ERBB4: variants seen among roughly 807,000 people sequenced by gnomAD.
ERBB4 encodes the protein erb-b2 receptor tyrosine kinase 4.
A neutral mutation model predicts 158.0 loss-of-function variants in ERBB4; 42 were observed. The ratio of observed to expected loss-of-function variants is 0.27; its 90% CI spans 0.21 to 0.34. ERBB4 has a LOEUF of 0.34. Ranked by LOEUF, ERBB4 falls within the 10% of genes least tolerant of loss-of-function variation. The pLI, the probability that ERBB4 is intolerant of heterozygous loss-of-function variation, is 1.00. For missense variants in ERBB4, 1,333 were observed against 1,624.1 expected (o/e 0.82, Z 3.08); for synonymous variants, 583 against 558.7 (o/e 1.04, Z -0.61).
At chr2:212,172,555 T>C (rs1337083324) in intron 1 of ERBB4, among the ~76,000 whole-genome samples, 4 of 152,074 alleles carry the variant, frequency 2.6e-5, no homozygotes, top group South Asian at 4.1e-4. Flanking sequence ...AAAATGTACA[T>C]ATACATTTGT....
intron 2 of ERBB4, among the ~76,000 whole-genome samples, chr2:211,960,156 G>C (rs1243453315): frequency 6.6e-6 from 1 of 152,014 alleles, no homozygotes; most frequent in Non-Finnish European, 1.5e-5. Flanking sequence ...GGAATTCTTG[G>C]AGAAATTTCA....
At chr2:212,526,400 GC>G (rs1476904425) in intron 1 of ERBB4, among the ~76,000 whole-genome samples, 1 of 151,908 alleles carries the variant, frequency 6.6e-6, no homozygotes, top group Non-Finnish European at 1.5e-5. Context: ...ATATCTTGAA[GC>G]TTTTTATACT....
At chr2:211,528,687 C>A (rs7603356) in intron 20 of ERBB4, among the ~76,000 whole-genome samples, 71,750 of 151,692 alleles carry the variant, frequency 0.47, 17,253 homozygotes, top group East Asian at 0.72. Context: ...TAAAACTAGA[C>A]ATGAATAATG....
chr2:211,675,426 A>C (rs1202919580), intron 13 of ERBB4, among the ~76,000 whole-genome samples: 1 of 152,074 alleles, frequency 6.6e-6, no homozygotes, highest in Non-Finnish European at 1.5e-5. Context: ...AAAAAATAAG[A>C]TTTCATTGAG....
At position 211,377,863 on chromosome 2, in the gene ERBB4, G is replaced by T. The variant is rs559988336; in HGVS notation, c.*5752C>A. ...AAATTCCTATAGGGAAGGACACAGAGAATTGATCTTCATGGGAAACCATAA... is the reference window on the plus strand; with the variant it reads ...AAATTCCTATAGGGAAGGACACAGATAATTGATCTTCATGGGAAACCATAA... On this transcript the variant is annotated 3_prime_UTR_variant, in exon 28 of 28. Coordinates refer to ENST00000342788, the MANE Select transcript of ERBB4 (RefSeq NM_005235.3). 4 of 232,904 alleles carry T rather than the reference G, an allele frequency of 1.7e-5. No homozygotes were observed. In the South Asian group the frequency reaches 5.4e-4, roughly 32 times the overall value. The allele number at this position is 232,904 out of a possible 1,614,324, so 14.4% of individuals were successfully genotyped here.
chr2:212,201,302 A>G (rs1034353108), intron 1 of ERBB4, among the ~76,000 whole-genome samples: 17 of 152,118 alleles, frequency 1.1e-4, no homozygotes, highest in Admixed American at 2.0e-4. Context: ...TTTCCTCTTC[A>G]TAGTACATGA....
intron 3 of ERBB4, among the ~76,000 whole-genome samples, chr2:211,844,020 T>G (rs2077536329): frequency 6.6e-6 from 1 of 152,050 alleles, no homozygotes; most frequent in Non-Finnish European, 1.5e-5. Context: ...ATGCTGATGT[T>G]TTGTTTATTC....
chr2:211,911,980 AG>A (rs1367747846), intron 3 of ERBB4, among the ~76,000 whole-genome samples: 1 of 152,164 alleles, frequency 6.6e-6, no homozygotes, highest in Non-Finnish European at 1.5e-5. Context: ...GAGTGCATCT[AG>A]GGAAACACAC....
At chr2:212,203,825 C>T (rs1205013384) in intron 1 of ERBB4, among the ~76,000 whole-genome samples, 3 of 152,154 alleles carry the variant, frequency 2.0e-5, no homozygotes, top group Non-Finnish European at 4.4e-5. Flanking sequence ...AACACCATTG[C>T]TTTCATCTTC....
At chr2:211,548,620 G>A (rs1199876972) in intron 20 of ERBB4, among the ~76,000 whole-genome samples, 1 of 152,008 alleles carries the variant, frequency 6.6e-6, no homozygotes, top group African/African-American at 2.4e-5. Flanking sequence ...TATCAGGGTG[G>A]CAGAGCAGTT....
chr2:211,409,247 G>T (rs1326234754), intron 25 of ERBB4, among the ~76,000 whole-genome samples: 1 of 152,072 alleles, frequency 6.6e-6, no homozygotes, highest in Non-Finnish European at 1.5e-5. Context: ...TAACCTGGAA[G>T]TCTCAGCAAA....
chr2:212,044,390 G>A (rs1433192495), intron 2 of ERBB4, among the ~76,000 whole-genome samples: 1 of 152,008 alleles, frequency 6.6e-6, no homozygotes, highest in Non-Finnish European at 1.5e-5. Context: ...CTCTTTCAAT[G>A]CCGATATTTC....
At position 212,031,677 on chromosome 2, in the gene ERBB4, C is replaced by T. The variant is rs2076906236; in HGVS notation, c.235-84061G>A. The stretch of plus-strand genomic sequence containing the variant: ...TTTATGGTTTAATTATCAATAGTGA[C>T]TCCTTTCACTTTCAAAAGTGTCCCA... On this transcript the variant is annotated intron_variant, in intron 2 of 27. Transcript: ENST00000342788. Among the ~76,000 whole-genome samples, 3 of 152,036 alleles carry T rather than the reference C, an allele frequency of 2.0e-5. No individual in the cohort carries two copies. In the South Asian group the frequency reaches 6.2e-4, roughly 31 times the overall value.
chr2:212,439,019 C>G (rs1270526793), intron 1 of ERBB4, among the ~76,000 whole-genome samples: 2 of 152,000 alleles, frequency 1.3e-5, no homozygotes, highest in East Asian at 3.9e-4. Flanking sequence ...AACTGGATGC[C>G]CTTTCAATAT....
intron 1 of ERBB4, among the ~76,000 whole-genome samples, chr2:212,335,321 C>A (rs2106305575): frequency 6.6e-6 from 1 of 151,800 alleles, no homozygotes; most frequent in East Asian, 1.9e-4. Context: ...TATGTTTTAA[C>A]AAATAATACA....
chr2:212,104,460 T>C (rs937442809), intron 2 of ERBB4, among the ~76,000 whole-genome samples: 1 of 152,156 alleles, frequency 6.6e-6, no homozygotes, highest in Non-Finnish European at 1.5e-5. Flanking sequence ...AAATTCACCA[T>C]ATCTCTTCAT....
chr2:212,151,406 C>A (rs1393262569), intron 1 of ERBB4, among the ~76,000 whole-genome samples: 1 of 151,252 alleles, frequency 6.6e-6, no homozygotes, highest in East Asian at 1.9e-4. Context: ...TTATATCAAA[C>A]CATCAATGTT....
chr2:211,918,270 T>G (rs1673784201), intron 3 of ERBB4, among the ~76,000 whole-genome samples: 2 of 152,186 alleles, frequency 1.3e-5, no homozygotes, highest in South Asian at 4.1e-4. Context: ...TATTACTTAT[T>G]TCAAATTTTA....
At chr2:212,311,259 T>C (rs1260409312) in intron 1 of ERBB4, among the ~76,000 whole-genome samples, 1 of 150,758 alleles carries the variant, frequency 6.6e-6, no homozygotes, top group Non-Finnish European at 1.5e-5. Context: ...ACTGGCAGAA[T>C]ATGTAATAAA....
Sources: gnomAD v4.1 joint callset for allele counts (sites outside exome capture counted in the v4.1 genomes callset) on GRCh38, gnomAD v4.1.1 for gene constraint, MANE v1.5 for transcripts, NCBI Gene and HGNC (gene_info 2026-07-23, HGNC 2026-07-21) for gene names.